The following ALDH8A1 variants were observed in gnomAD, a reference collection of about 807,000 sequenced individuals.
ALDH8A1 encodes aldehyde dehydrogenase 8 family member A1.
Under a neutral mutation model 43.3 loss-of-function variants are expected in ALDH8A1, and 39 were observed. That is an observed-to-expected ratio of 0.90 (90% CI 0.70 to 1.18). The LOEUF (loss-of-function observed/expected upper bound fraction) is 1.18. Ranked by LOEUF, ALDH8A1 falls within the 50% of genes most tolerant of loss-of-function variation. The pLI, the probability that ALDH8A1 is intolerant of heterozygous loss-of-function variation, is 0.00. For missense variants in ALDH8A1, 605 were observed against 622.6 expected (o/e 0.97, Z 0.30); for synonymous variants, 233 against 243.5 (o/e 0.96, Z 0.40).
intron 6 of ALDH8A1, among the ~76,000 whole-genome samples, chr6:134,924,847 A>G (rs563609904): frequency 2.0e-5 from 3 of 152,368 alleles, no homozygotes; most frequent in African/African-American, 7.2e-5. Flanking sequence ...TTTATGGGTG[A>G]TGAAAACTAC....
Position 134,932,930 on chromosome 6 carries a change from C to A in ALDH8A1, c.695G>T (p.Ser232Ile). 6.2e-7 allele frequency: 1 copy of A among 1,614,138 alleles called. No individual in the cohort carries two copies. Among genetic ancestry groups the A allele is most frequent in the Non-Finnish European group, 8.5e-7 (1 of 1,180,018 alleles). ...GGTGATCCGCTCAGCGGTGGGCTGG[C>A]TCCCGGTGAAGGAGATCAGGGGCAC... ...PEVPLISFTG[S>I]QPTAERITQL... Residue 232 changes from serine (S) to isoleucine (I), a missense_variant, in exon 5 of 7, where the codon AGC (serine) becomes ATC (isoleucine). Coordinates refer to ENST00000265605, the MANE Select transcript of ALDH8A1 (RefSeq NM_022568.4).
chr6:134,918,553 C>T lies in ALDH8A1; in HGVS notation c.1326G>A (p.Leu442=). The T allele has an allele frequency of 6.2e-7, 1 of 1,614,192 alleles. No individual in the cohort carries two copies. The highest frequency in any genetic ancestry group is 8.5e-7 in the Non-Finnish European group (1 of 1,180,036). Reference sequence around the variant, plus strand: ...TGATGAGCCAGCAGTTGGTCCAGACCAAGCCAGACTGCAGCTTCTTAGCCA... The same window carrying T: ...TGATGAGCCAGCAGTTGGTCCAGACTAAGCCAGACTGCAGCTTCTTAGCCA... The part of the protein sequence containing the change: ...HRVAKKLQSG[L]VWTNCWLIRE... The change falls in exon 7 of 7, where the codon TTG becomes TTA. Residue 442 remains leucine (L), a synonymous_variant. Transcript: ENST00000265605.
chr6:134,941,713 C>T (rs1022880071), intron 3 of ALDH8A1, among the ~76,000 whole-genome samples: 16 of 151,502 alleles, frequency 1.1e-4, no homozygotes, highest in Admixed American at 3.9e-4. Flanking sequence ...TTAGTAGAGA[C>T]GGGGTTTCAC....
intron 5 of ALDH8A1, among the ~76,000 whole-genome samples, chr6:134,932,254 C>T (rs191130205): frequency 2.1e-3 from 326 of 152,260 alleles, no homozygotes; most frequent in African/African-American, 6.7e-3. Context: ...AGAGAAACAT[C>T]TGTTATGTAA....
chr6:134,932,912 C>T lies in ALDH8A1; in HGVS notation c.713G>A (p.Arg238Gln), dbSNP rs368492800. 3.6e-5 allele frequency: 58 copies of T among 1,614,052 alleles called. No homozygotes were observed. Among genetic ancestry groups the T allele is most frequent in the East Asian group, 1.6e-4 (7 of 44,898 alleles). The change falls in exon 5 of 7, where the codon CGG becomes CAG. Residue 238 changes from arginine to glutamine, a missense_variant. Coordinates refer to ENST00000265605, the MANE Select transcript of ALDH8A1 (RefSeq NM_022568.4). ...SFTGSQPTAE[R>Q]ITQLSAPHCK... ...GTGGGGAGCGCTCAGCTGGGTGATC[C>T]GCTCAGCGGTGGGCTGGCTCCCGGT...
chr6:134,932,391 A>G (rs1319225264), intron 5 of ALDH8A1, among the ~76,000 whole-genome samples: 1 of 152,198 alleles, frequency 6.6e-6, no homozygotes. Context: ...AAATGAGAGT[A>G]AGGTTTACTG....
At position 134,933,030 on chromosome 6, in the gene ALDH8A1, C is replaced by T. The variant is rs1379750250; in HGVS notation, c.595G>A (p.Val199Ile). 1.3e-6 allele frequency: 2 copies of T among 1,560,218 alleles called. No homozygotes were observed. Among genetic ancestry groups the T allele is most frequent in the Non-Finnish European group, 1.7e-6 (2 of 1,156,046 alleles). ...MLCKLLDKAGVPPGVVNIVFG... is the reference protein window; with the variant it reads ...MLCKLLDKAGIPPGVVNIVFG... ...ACAATATTGACCACACCTGGTGGAACACCTGGATAGGAAACAGTATCAGTT... is the reference window on the plus strand; with the variant it reads ...ACAATATTGACCACACCTGGTGGAATACCTGGATAGGAAACAGTATCAGTT... Residue 199 changes from valine to isoleucine, a missense_variant and splice_region_variant, in exon 5 of 7, where the codon GTT becomes ATT. Physicochemically the swap from Val to Ile is conservative, Grantham distance 29. Transcript: ENST00000265605.
intron 5 of ALDH8A1, among the ~76,000 whole-genome samples, chr6:134,932,262 T>G (rs1776997374): frequency 6.6e-6 from 1 of 152,224 alleles, no homozygotes; most frequent in South Asian, 2.1e-4. Flanking sequence ...ATCTGTTATG[T>G]AATTTCAGGA....
At chr6:134,926,637 C>G (rs1413564177) in intron 6 of ALDH8A1, among the ~76,000 whole-genome samples, 1 of 151,932 alleles carries the variant, frequency 6.6e-6, no homozygotes, top group Non-Finnish European at 1.5e-5. Context: ...GGTGAAACCC[C>G]GTCTCTACTA....
At chr6:134,940,095 AT>A in intron 3 of ALDH8A1, 1 of 258,200 alleles carries the variant, frequency 3.9e-6, no homozygotes, top group Non-Finnish European at 7.8e-6. Context: ...GGGGAAGAGC[AT>A]TAGGATAAAG....
In ALDH8A1 at chr6:134,926,202, CTT is replaced by C. The variant is rs749949919; in HGVS notation, c.1011+2850_1011+2851del. 7.6e-3 allele frequency among the ~76,000 whole-genome samples: 708 copies of C among 93,700 alleles called. 1 individual carries two copies. The highest frequency in any genetic ancestry group is 0.027 in the African/African-American group (647 of 23,832). The allele number at this position is 93,700 out of a possible 152,430, so 61.5% of individuals were successfully genotyped here. ...ATACCAGCATAGACTCAGGACCCTT[CTT>C]TTTTTTTTTTTTTTTTTTTTTTGAG... On this transcript the variant is annotated intron_variant, in intron 6 of 6. Coordinates refer to ENST00000265605, the MANE Select transcript of ALDH8A1 (RefSeq NM_022568.4).
chr6:134,949,970 G>T lies in ALDH8A1; in HGVS notation c.84C>A (p.Tyr28Ter), dbSNP rs367653344. The T allele has an allele frequency of 6.2e-7, 1 of 1,612,544 alleles. No individual in the cohort carries two copies. The highest frequency in any genetic ancestry group is 8.5e-7 in the Non-Finnish European group (1 of 1,179,302). The change falls in exon 1 of 7, where the codon TAC (tyrosine) becomes TAA (stop). Residue 28 changes from tyrosine (Y) to a stop codon, truncating the protein, a stop_gained. Transcript: ENST00000265605. LOFTEE classifies it high-confidence loss of function. ...AATACACTTCCCCTGTTGATGGGTC[G>T]TAAGAATCTATATATGAGCTACAAG... Reference protein sequence around the residue: ...FLPCSSYIDSYDPSTGEVYCR... With the variant: ...FLPCSSYIDS
chr6:134,946,775 T>C (rs532470588), intron 1 of ALDH8A1, among the ~76,000 whole-genome samples: 17 of 149,662 alleles, frequency 1.1e-4, no homozygotes, highest in East Asian at 3.9e-4. Flanking sequence ...CAGGTGCGCA[T>C]GTGTGCGCGC....
At chr6:134,938,996 T>C (rs146683451) in intron 4 of ALDH8A1, among the ~76,000 whole-genome samples, 185 of 152,216 alleles carry the variant, frequency 1.2e-3, no homozygotes, top group Middle Eastern at 0.01. Context: ...TGTCTTTGAT[T>C]TGATGGGGCT....
chr6:134,938,733 C>T (rs553538692), intron 4 of ALDH8A1, among the ~76,000 whole-genome samples: 19 of 152,160 alleles, frequency 1.2e-4, no homozygotes, highest in South Asian at 4.1e-4. Flanking sequence ...CTGCAAGCTC[C>T]GCCTCCTGGG....
chr6:134,939,428 A>G lies in ALDH8A1; in HGVS notation c.443-13T>C, dbSNP rs374622136. Reference sequence around the variant, plus strand: ...CTGATCAGACCAGCTAAGGGATGAGAGCAGAAGCACTGCCTGTGACGGCAT... The same window carrying G: ...CTGATCAGACCAGCTAAGGGATGAGGGCAGAAGCACTGCCTGTGACGGCAT... On this transcript the variant is annotated splice_polypyrimidine_tract_variant and intron_variant, in intron 3 of 6. Coordinates refer to ENST00000265605, the MANE Select transcript of ALDH8A1 (RefSeq NM_022568.4). 6.0e-5 allele frequency: 96 copies of G among 1,612,762 alleles called. No homozygotes were observed. The highest frequency in any genetic ancestry group is 3.4e-4 in the Middle Eastern group (2 of 5,862).
intron 3 of ALDH8A1, chr6:134,942,174 C>G: frequency 3.0e-6 from 1 of 331,308 alleles, no homozygotes; most frequent in South Asian, 7.8e-5. Flanking sequence ...GAGCCGAGAT[C>G]ATGCCACTGC....
At chr6:134,945,974 C>A (rs1769253808) in intron 1 of ALDH8A1, among the ~76,000 whole-genome samples, 1 of 152,158 alleles carries the variant, frequency 6.6e-6, no homozygotes. Context: ...GGTAGTTTTT[C>A]TTGGCCTTCA....
At chr6:134,929,641 C>G (rs1460325539) in intron 5 of ALDH8A1, among the ~76,000 whole-genome samples, 1 of 151,864 alleles carries the variant, frequency 6.6e-6, no homozygotes, top group Non-Finnish European at 1.5e-5. Context: ...GGACCTGCAG[C>G]AGGAATGAAC....
Sources: allele counts gnomAD v4.1 joint callset (sites outside exome capture counted in the v4.1 genomes callset), GRCh38; gene constraint gnomAD v4.1.1; transcripts MANE v1.5; gene names NCBI Gene and HGNC (gene_info 2026-07-23, HGNC 2026-07-21).